DSN1: variants seen among roughly 807,000 people sequenced by gnomAD.
DSN1 encodes kinetochore-associated protein DSN1 homolog.
DSN1 carries 31 observed loss-of-function variants against 45.7 expected under a neutral mutation model. The ratio of observed to expected loss-of-function variants is 0.68; its 90% CI spans 0.51 to 0.92. The LOEUF is 0.92. Among genes scored for constraint, DSN1 ranks in the 40% least tolerant of loss-of-function variants. The pLI is 0.00. For missense variants in DSN1, 394 were observed against 414.2 expected (o/e 0.95, Z 0.42); for synonymous variants, 134 against 142.3 (o/e 0.94, Z 0.41).
chr20:36,760,443 A>G (rs867580709), intron 6 of DSN1, among the ~76,000 whole-genome samples: 5 of 152,336 alleles, frequency 3.3e-5, no homozygotes, highest in Non-Finnish European at 5.9e-5. Flanking sequence ...AGCAGGCCTG[A>G]AAATGCCAAA....
intron 8 of DSN1, 128 bp downstream of exon 8, chr20:36,757,959 C>T: frequency 2.3e-6 from 2 of 871,010 alleles, no homozygotes; most frequent in Non-Finnish European, 1.8e-6. Context: ...ATACACACTA[C>T]AGAATTTGAT....
At chr20:36,769,040 CAG>C (rs1207979313) in intron 3 of DSN1, among the ~76,000 whole-genome samples, 1 of 152,154 alleles carries the variant, frequency 6.6e-6, no homozygotes, top group Non-Finnish European at 1.5e-5. Context: ...ATTCAGATAA[CAG>C]ATAATGACAC....
chr20:36,756,535 G>A (rs1319302437), intron 8 of DSN1, among the ~76,000 whole-genome samples: 1 of 152,196 alleles, frequency 6.6e-6, no homozygotes, highest in Non-Finnish European at 1.5e-5. Context: ...GAAAACTGAT[G>A]AACAACAACT....
intron 6 of DSN1, among the ~76,000 whole-genome samples, chr20:36,760,356 G>A (rs191899418): frequency 9.8e-5 from 15 of 152,292 alleles, no homozygotes; most frequent in Non-Finnish European, 1.6e-4. Context: ...TTCTGGTACC[G>A]TCCAGCTTAC....
intron 6 of DSN1, among the ~76,000 whole-genome samples, chr20:36,759,465 T>A (rs1239629257): frequency 6.6e-6 from 1 of 151,998 alleles, no homozygotes; most frequent in Non-Finnish European, 1.5e-5. Context: ...TGGACTCTAT[T>A]TCACTTTTCC....
intron 1 of DSN1, chr20:36,773,358 G>C: frequency 1.0e-6 from 1 of 984,944 alleles, no homozygotes; most frequent in Non-Finnish European, 1.2e-6. Flanking sequence ...GGGGCACAGG[G>C]GCAATTCGAA....
In DSN1 at chr20:36,771,050, T is replaced by C. The variant is rs950942704; in HGVS notation, c.178A>G (p.Lys60Glu). ...EERIHLGSSPKKGGNCDLSHQ... is the reference protein window; with the variant it reads ...EERIHLGSSPEKGGNCDLSHQ... ...CTGAGATCACAATTTCCCCCTTTTTTAGGGCTAGAGCCAAGGTGAATTCTT... is the reference window on the plus strand; with the variant it reads ...CTGAGATCACAATTTCCCCCTTTTTCAGGGCTAGAGCCAAGGTGAATTCTT... Residue 60 changes from lysine to glutamate, a missense_variant, in exon 3 of 11, where the codon AAA (lysine) becomes GAA (glutamate). Coordinates refer to ENST00000373750, the MANE Select transcript of DSN1 (RefSeq NM_001145315.2). The C allele has an allele frequency of 6.2e-7, 1 of 1,614,192 alleles. No individual in the cohort carries two copies. The highest frequency in any genetic ancestry group is 8.5e-7 in the Non-Finnish European group (1 of 1,180,034).
At chr20:36,757,368 A>G (rs1011535636) in intron 8 of DSN1, among the ~76,000 whole-genome samples, 3 of 150,478 alleles carry the variant, frequency 2.0e-5, no homozygotes, top group Non-Finnish European at 4.4e-5. Context: ...AAAACAACAA[A>G]AAAACACCCA....
intron 5 of DSN1, among the ~76,000 whole-genome samples, chr20:36,766,004 C>G (rs1471833691): frequency 1.3e-5 from 2 of 150,424 alleles, no homozygotes; most frequent in East Asian, 4.0e-4. Context: ...ACCAGCCTGG[C>G]CAACATGGCG....
At chr20:36,769,475 G>A (rs893114082) in intron 3 of DSN1, among the ~76,000 whole-genome samples, 1 of 152,180 alleles carries the variant, frequency 6.6e-6, no homozygotes, top group Non-Finnish European at 1.5e-5. Context: ...ATCTTGGGAT[G>A]CACTGATGTT....
chr20:36,760,414 T>C (rs1986914056), intron 6 of DSN1, among the ~76,000 whole-genome samples: 1 of 152,200 alleles, frequency 6.6e-6, no homozygotes, highest in South Asian at 2.1e-4. Flanking sequence ...AGTGGGGTAA[T>C]TAATTCTTAT....
At position 36,752,870 on chromosome 20, in the gene DSN1, G is replaced by T; in HGVS notation, c.989C>A (p.Pro330His). 1 of 1,614,142 alleles carries T rather than the reference G, an allele frequency of 6.2e-7. No homozygotes were observed. Among genetic ancestry groups the T allele is most frequent in the Non-Finnish European group, 8.5e-7 (1 of 1,180,016 alleles). Residue 330 changes from proline to histidine, a missense_variant, in exon 11 of 11, where the codon CCC becomes CAC. Transcript: ENST00000373750. ...LGKRSMQQLDPSPARKLLKLQ... is the reference protein window; with the variant it reads ...LGKRSMQQLDHSPARKLLKLQ... The stretch of plus-strand genomic sequence containing the variant: ...CTTCAACAGTTTTCGAGCTGGTGAG[G>T]GATCTAATTGTTGCATGCTTCTCTT...
chr20:36,762,680 A>T, intron 5 of DSN1, 132 bp from the exon 6 acceptor site: 3 of 635,202 alleles, frequency 4.7e-6, no homozygotes, highest in Non-Finnish European at 7.7e-6. Context: ...CCCACCCAAA[A>T]GTGTGGAGTT....
chr20:36,765,392 C>G (rs1987265182), intron 5 of DSN1, among the ~76,000 whole-genome samples: 1 of 151,552 alleles, frequency 6.6e-6, no homozygotes, highest in Admixed American at 6.6e-5. Context: ...CCCGTCTCTA[C>G]TAAAAATACA....
Position 36,758,164 on chromosome 20 carries a change from G to GT in DSN1, c.651-4dup. The GT allele has an allele frequency of 6.2e-7, 1 of 1,613,346 alleles. No homozygotes were observed. Among genetic ancestry groups the GT allele is most frequent in the Non-Finnish European group, 8.5e-7 (1 of 1,179,614 alleles). ...AAGTCTGACGTTCTAAAGAAAACCT[G>GT]TAAGAATCAGGAAAAAAAGTTCAGT... On this transcript the variant is annotated splice_polypyrimidine_tract_variant and splice_region_variant and intron_variant, in intron 7 of 10. Coordinates refer to ENST00000373750, the MANE Select transcript of DSN1 (RefSeq NM_001145315.2).
chr20:36,773,444 G>A (rs1987754828), intron 1 of DSN1: 1 of 985,584 alleles, frequency 1.0e-6, no homozygotes, highest in Non-Finnish European at 1.2e-6. Context: ...TCTCTAATGG[G>A]GTCGGTAAGG....
Position 36,758,636 on chromosome 20 carries a change from T to A in DSN1, c.591-19A>T. 1 of 1,599,482 alleles carries A rather than the reference T, an allele frequency of 6.3e-7. No homozygotes were observed. ...TGCTTTTCTGGAAAACAGATAGGAT[T>A]ATGACATAAATCTTTCAAGAAATAT... On this transcript the variant is annotated intron_variant, in intron 6 of 10. Transcript: ENST00000373750.
chr20:36,762,367 C>T, intron 6 of DSN1, 94 bp downstream of exon 6: 1 of 1,135,170 alleles, frequency 8.8e-7, no homozygotes, highest in Non-Finnish European at 1.2e-6. Context: ...ACCTCGGCCT[C>T]CCAAAGTGCT....
At chr20:36,768,750 T>G (rs1277134193) in intron 3 of DSN1, among the ~76,000 whole-genome samples, 2 of 152,030 alleles carry the variant, frequency 1.3e-5, no homozygotes, top group Non-Finnish European at 2.9e-5. Flanking sequence ...ATAAGAAGAG[T>G]ACTATTATAA....
Sources: allele counts gnomAD v4.1 joint callset (sites outside exome capture counted in the v4.1 genomes callset), GRCh38; gene constraint gnomAD v4.1.1; transcripts MANE v1.5; gene names NCBI Gene and HGNC (gene_info 2026-07-23, HGNC 2026-07-21).